Variants in COL8A2 observed in about 807,000 individuals in gnomAD.
The protein encoded by COL8A2 is collagen type VIII alpha 2 chain, also known as collagen alpha-2(VIII) chain.
In COL8A2, 16 loss-of-function variants were observed where a neutral mutation model predicts 24.0. The ratio of observed to expected loss-of-function variants is 0.67; its 90% CI spans 0.45 to 1.01. The LOEUF (loss-of-function observed/expected upper bound fraction) is 1.01. Among genes scored for constraint, COL8A2 ranks in the 50% least tolerant of loss-of-function variants. COL8A2 has a pLI of 0.00. For missense variants in COL8A2, 818 were observed against 942.4 expected (o/e 0.87, Z 1.73); for synonymous variants, 466 against 424.5 (o/e 1.10, Z -1.20).
chr1:36,104,670 C>G (rs1216851769), intron 2 of COL8A2, among the ~76,000 whole-genome samples: 1 of 151,934 alleles, frequency 6.6e-6, no homozygotes, highest in Non-Finnish European at 1.5e-5. Context: ...TGGCACTTGC[C>G]TGTAGTCCCG....
At chr1:36,106,712 G>C (rs113352881) in intron 2 of COL8A2, among the ~76,000 whole-genome samples, 1 of 42,382 alleles carries the variant, frequency 2.4e-5, no homozygotes. Context: ...AGGCAGCAGG[G>C]CGCCAAGGAA....
intron 2 of COL8A2, among the ~76,000 whole-genome samples, chr1:36,113,057 A>G (rs1445415920): frequency 1.3e-5 from 2 of 152,184 alleles, no homozygotes; most frequent in Non-Finnish European, 2.9e-5. Flanking sequence ...AGGAGGGGGT[A>G]GAGAGATGGA....
intron 2 of COL8A2, among the ~76,000 whole-genome samples, chr1:36,114,143 C>T (rs1643868024): frequency 8.2e-6 from 1 of 122,124 alleles, no homozygotes; most frequent in African/African-American, 3.2e-5. Flanking sequence ...ATGGTGAAAC[C>T]CCATCTCTAC....
At chr1:36,121,161 C>T (rs1207425057) in intron 1 of COL8A2, among the ~76,000 whole-genome samples, 1 of 149,644 alleles carries the variant, frequency 6.7e-6, no homozygotes, top group Non-Finnish European at 1.5e-5. Context: ...GAGGCCAAGG[C>T]GGGTAGATCA....
chr1:36,110,267 T>TAAAAA (rs35039453), intron 2 of COL8A2, among the ~76,000 whole-genome samples: 7 of 137,836 alleles, frequency 5.1e-5, no homozygotes, highest in Non-Finnish European at 1.1e-4. Context: ...TGCTCTCATT[T>TAAAAA]AAAAAAAAAA....
chr1:36,121,791 G>GCCTTTGTGAGGAAGGGCAC (rs1643916637), intron 1 of COL8A2, among the ~76,000 whole-genome samples: 1 of 152,114 alleles, frequency 6.6e-6, no homozygotes, highest in Non-Finnish European at 1.5e-5. Context: ...AGGGAGGGCA[G>GCCTTTGTGAGGAAGGGCAC]CCTTTGTGAG....
At chr1:36,116,008 T>C (rs1267610930) in intron 1 of COL8A2, among the ~76,000 whole-genome samples, 1 of 150,446 alleles carries the variant, frequency 6.6e-6, no homozygotes, top group Non-Finnish European at 1.5e-5. Context: ...AAGACTGCAG[T>C]AAGCTATGAT....
At position 36,097,675 on chromosome 1, in the gene COL8A2, G is replaced by A. The variant is rs1643591036; in HGVS notation, c.2006C>T (p.Pro669Leu). Residue 669 changes from proline to leucine, a missense_variant, in exon 4 of 4, where the codon CCC becomes CTC. Physicochemically the swap from Pro to Leu is moderately conservative, Grantham distance 98 (BLOSUM62 -3). Coordinates refer to ENST00000397799, the MANE Select transcript of COL8A2 (RefSeq NM_005202.4). ...ASGGAVLQLR[P>L]NDQVWVQMPS... is the part of the protein sequence containing the mutation. ...CATCTGCACCCAGACCTGGTCGTTG[G>A]GCCGCAGCTGGAGCACGGCCCCACC... 3 of 1,613,590 alleles carry A rather than the reference G, an allele frequency of 1.9e-6. No homozygotes were observed. In the South Asian group the frequency reaches 3.3e-5, roughly 18 times the overall value.
intron 2 of COL8A2, 90 bp from the exon 3 acceptor site, chr1:36,100,348 T>C (rs1430301803): frequency 9.0e-7 from 1 of 1,107,232 alleles, no homozygotes; most frequent in Non-Finnish European, 1.3e-6. Flanking sequence ...ATTTAGAGAT[T>C]ACACTGGAGA....
chr1:36,109,581 CTTT>C (rs10715688), intron 2 of COL8A2, among the ~76,000 whole-genome samples: 1 of 141,094 alleles, frequency 7.1e-6, no homozygotes. Context: ...AGTAACCACT[CTTT>C]TTTTTTTTTT....
chr1:36,105,983 A>AG (rs749526543), intron 2 of COL8A2, among the ~76,000 whole-genome samples: 13,383 of 148,976 alleles, frequency 0.09, 722 homozygotes, highest in Middle Eastern at 0.12. Context: ...AGAGAGAGAT[A>AG]AGGAGGAGGC....
Position 36,099,140 on chromosome 1 carries a change from G to T in COL8A2, c.541C>A (p.Pro181Thr). The T allele has an allele frequency of 6.7e-7, 1 of 1,502,948 alleles. No individual in the cohort carries two copies. The highest frequency in any genetic ancestry group is 2.3e-5 in the Admixed American group (1 of 42,814). 93.1% of individuals were successfully genotyped at this position (1,502,948 alleles called of 1,614,324 possible). A position where few individuals can be genotyped will look rare whatever the true frequency, so the allele number is the denominator to read the frequency against. Reference sequence around the variant, plus strand: ...TCCCCCTGGAATCCTGGGGGCCCTGGCACCCCTTGGGCACCTGGTTTTCCA... The same window carrying T: ...TCCCCCTGGAATCCTGGGGGCCCTGTCACCCCTTGGGCACCTGGTTTTCCA... ...IPGKPGAQGV[P>T]GPPGFQGEPG... Residue 181 changes from proline to threonine, a missense_variant, in exon 4 of 4, where the codon CCA becomes ACA. This residue lies in a region of COL8A2 where 573 missense variants were observed against 616.8 expected (regional missense o/e 0.93). Coordinates refer to ENST00000397799, the MANE Select transcript of COL8A2 (RefSeq NM_005202.4).
Position 36,098,747 on chromosome 1 carries a change from G to A in COL8A2, c.934C>T (p.Pro312Ser). The A allele has an allele frequency of 6.2e-7, 1 of 1,611,558 alleles. No individual in the cohort carries two copies. Among genetic ancestry groups the A allele is most frequent in the South Asian group, 1.1e-5 (1 of 91,036 alleles). The change falls in exon 4 of 4, where the codon CCC (proline) becomes TCC (serine). Residue 312 changes from proline to serine, a missense_variant. Transcript: ENST00000397799. ...GTRGPPGLIG[P>S]TGYGMPGLPG... ...AGTCCTGGCATCCCATAGCCAGTGG[G>A]GCCTATCAGCCCAGGGGGGCCCCGG...
chr1:36,125,176 C>T lies in COL8A2; in HGVS notation c.-181G>A. ...CGTTGGGGTCCGGGGTCCGCGCCGG[C>T]GGGGTTCCGCGTCGCTCTGCCGGCC... On this transcript the variant is annotated 5_prime_UTR_variant, in exon 1 of 4. Coordinates refer to ENST00000397799, the MANE Select transcript of COL8A2 (RefSeq NM_005202.4). The surrounding 1 kb of genome is among the most constrained non-coding windows in gnomAD (Gnocchi z 4.5). The T allele has an allele frequency of 2.3e-6, 1 of 442,070 alleles. No homozygotes were observed. The highest frequency in any genetic ancestry group is 3.0e-6 in the Non-Finnish European group (1 of 335,166). 27.4% of individuals were successfully genotyped at this position (442,070 alleles called of 1,614,324 possible).
chr1:36,124,909 C>A (rs1324331174), intron 1 of COL8A2, 148 bp downstream of exon 1: 3 of 176,386 alleles, frequency 1.7e-5, no homozygotes, highest in Non-Finnish European at 3.3e-5. Flanking sequence ...CTAAGGCGAC[C>A]CCCTGGCCCG....
At chr1:36,100,444 C>T (rs1188393503) in intron 2 of COL8A2, among the ~76,000 whole-genome samples, 186 bp from the exon 3 acceptor site, 2 of 152,178 alleles carry the variant, frequency 1.3e-5, no homozygotes, top group African/African-American at 4.8e-5. Flanking sequence ...GCATAAGCCA[C>T]CTCCTAAACT....
At chr1:36,116,144 C>T (rs1473315736) in intron 1 of COL8A2, among the ~76,000 whole-genome samples, 2 of 152,104 alleles carry the variant, frequency 1.3e-5, no homozygotes, top group South Asian at 2.1e-4. Flanking sequence ...ACACCAGTGC[C>T]TGCCCCGGGC....
chr1:36,124,427 CA>C (rs1643936215), intron 1 of COL8A2, among the ~76,000 whole-genome samples: 1 of 152,068 alleles, frequency 6.6e-6, no homozygotes, highest in Non-Finnish European at 1.5e-5. Context: ...CTTGGCCAGG[CA>C]GCGGCCCCTC....
At chr1:36,103,076 G>A (rs528474515) in intron 2 of COL8A2, among the ~76,000 whole-genome samples, 4 of 151,756 alleles carry the variant, frequency 2.6e-5, no homozygotes, top group South Asian at 2.1e-4. Context: ...TCGGCCTCCC[G>A]GGCTCAAGTA....
Sources: allele counts gnomAD v4.1 joint callset (sites outside exome capture counted in the v4.1 genomes callset), GRCh38; gene constraint gnomAD v4.1.1; regional missense constraint gnomAD v4.1.1; non-coding constraint Gnocchi (gnomAD v3.1); transcripts MANE v1.5; gene names NCBI Gene and HGNC (gene_info 2026-07-23, HGNC 2026-07-21).